Variants in SLC71A1 observed in about 807,000 individuals in gnomAD.
SLC71A1 encodes solute carrier family 71 member 1.
the SLC71A1 span, among the ~76,000 whole-genome samples, chr1:100,080,899 A>G: frequency 6.6e-6 from 1 of 152,256 alleles, no homozygotes. Flanking sequence ...TGGCATATGT[A>G]ACAAACCATT....
the SLC71A1 span, chr1:100,082,918 A>G: frequency 6.6e-6 from 1 of 152,584 alleles, no homozygotes; most frequent in South Asian, 2.1e-4. Flanking sequence ...TTATACCACT[A>G]TTCTTTTAAT....
chr1:100,047,713 C>T, the SLC71A1 span, among the ~76,000 whole-genome samples: 12 of 152,220 alleles, frequency 7.9e-5, no homozygotes, highest in East Asian at 5.8e-4. Flanking sequence ...AGAGCCACTG[C>T]GCCCGGCCGA....
the SLC71A1 span, among the ~76,000 whole-genome samples, chr1:100,043,514 A>G: frequency 2.6e-5 from 4 of 152,232 alleles, no homozygotes; most frequent in Non-Finnish European, 5.9e-5. Context: ...GGACAAGTAT[A>G]TGCAGCATAC....
At chr1:100,080,593 TAAAG>T in the SLC71A1 span, 1 of 1,614,076 alleles carries the variant, frequency 6.2e-7, no homozygotes, top group Non-Finnish European at 8.5e-7. Flanking sequence ...ATGTGGAACT[TAAAG>T]AACTGCCAAT....
the SLC71A1 span, among the ~76,000 whole-genome samples, chr1:100,074,233 T>C: frequency 6.6e-6 from 1 of 152,096 alleles, no homozygotes; most frequent in East Asian, 1.9e-4. Context: ...GGGGGATTGG[T>C]GTATCTCATT....
chr1:100,078,615 C>A, the SLC71A1 span: 1 of 1,111,502 alleles, frequency 9.0e-7, no homozygotes, highest in Non-Finnish European at 1.4e-6. Flanking sequence ...TGTTCTGTCT[C>A]CTATGTACTG....
the SLC71A1 span, among the ~76,000 whole-genome samples, chr1:100,045,891 G>T: frequency 6.6e-6 from 1 of 152,124 alleles, no homozygotes; most frequent in South Asian, 2.1e-4. Flanking sequence ...CTAGTCGTTT[G>T]TGGTTTCAGG....
At chr1:100,081,596 G>A in the SLC71A1 span, among the ~76,000 whole-genome samples, 1 of 152,044 alleles carries the variant, frequency 6.6e-6, no homozygotes, top group South Asian at 2.1e-4. Flanking sequence ...GGCTGGTCTC[G>A]AACTCCTGAC....
At chr1:100,057,645 C>T in the SLC71A1 span, among the ~76,000 whole-genome samples, 1 of 152,180 alleles carries the variant, frequency 6.6e-6, no homozygotes, top group Non-Finnish European at 1.5e-5. Context: ...TGAGCCACCA[C>T]ACCTGGCCTC....
At chr1:100,064,927 C>T in the SLC71A1 span, among the ~76,000 whole-genome samples, 17 of 152,176 alleles carry the variant, frequency 1.1e-4, no homozygotes, top group African/African-American at 3.9e-4. Flanking sequence ...ACTCTATTGC[C>T]CAGGCTGGAG....
the SLC71A1 span, chr1:100,058,782 C>A: frequency 1.1e-6 from 1 of 895,650 alleles, no homozygotes; most frequent in Admixed American, 2.1e-5. Context: ...CACATACACG[C>A]ACACGGATGA....
At chr1:100,074,212 A>G in the SLC71A1 span, among the ~76,000 whole-genome samples, 1 of 152,114 alleles carries the variant, frequency 6.6e-6, no homozygotes, top group African/African-American at 2.4e-5. Flanking sequence ...ATAGGACGTT[A>G]CCCCAGGAAA....
chr1:100,064,107 ATG>A, the SLC71A1 span, among the ~76,000 whole-genome samples: 20 of 151,872 alleles, frequency 1.3e-4, 1 homozygote, highest in Non-Finnish European at 2.5e-4. Context: ...ATTTATATGT[ATG>A]TGTGTGTGTG....
chr1:100,046,923 T>G, the SLC71A1 span, among the ~76,000 whole-genome samples: 1 of 152,240 alleles, frequency 6.6e-6, no homozygotes, highest in African/African-American at 2.4e-5. Context: ...TCCTGCAACT[T>G]CAGTGAATTT....
chr1:100,046,014 G>A, the SLC71A1 span, among the ~76,000 whole-genome samples: 2,038 of 152,044 alleles, frequency 0.013, 18 homozygotes, highest in Middle Eastern at 0.058. Flanking sequence ...GCACCATTTA[G>A]GAGACTATCC....
At chr1:100,043,719 TC>T in the SLC71A1 span, among the ~76,000 whole-genome samples, 12 of 152,134 alleles carry the variant, frequency 7.9e-5, no homozygotes, top group Admixed American at 2.6e-4. Flanking sequence ...CTCTCAAGCT[TC>T]CCCCCCATCC....
At chr1:100,061,026 A>T in the SLC71A1 span, among the ~76,000 whole-genome samples, 5 of 152,170 alleles carry the variant, frequency 3.3e-5, no homozygotes, top group Non-Finnish European at 7.4e-5. Context: ...AAGGCCACTC[A>T]TGCACATGAA....
At chr1:100,047,178 A>G in the SLC71A1 span, among the ~76,000 whole-genome samples, 1 of 152,228 alleles carries the variant, frequency 6.6e-6, no homozygotes, top group Non-Finnish European at 1.5e-5. Context: ...CCTGTTCAGC[A>G]TGATAGCTCT....
At chr1:100,075,205 C>T in the SLC71A1 span, among the ~76,000 whole-genome samples, 1 of 152,236 alleles carries the variant, frequency 6.6e-6, no homozygotes, top group South Asian at 2.1e-4. Flanking sequence ...CCCATGCCAT[C>T]CTGTTCCCAC....
Sources: gnomAD v4.1 joint callset for allele counts (sites outside exome capture counted in the v4.1 genomes callset) on GRCh38, gnomAD v4.1.1 for gene constraint, MANE v1.5 for transcripts, NCBI Gene and HGNC (gene_info 2026-07-23, HGNC 2026-07-21) for gene names.